Variants in FGF10 observed in about 807,000 individuals in gnomAD.
The protein encoded by FGF10 is FGF-10.
In FGF10, 2 loss-of-function variants were observed where a neutral mutation model predicts 19.8. The ratio of observed to expected loss-of-function variants is 0.10; its 90% CI spans 0.04 to 0.32. The LOEUF (loss-of-function observed/expected upper bound fraction) is 0.32, where lower values mean the gene tolerates loss of function less well. Among genes scored for constraint, FGF10 ranks in the 10% least tolerant of loss-of-function variants. FGF10 has a pLI of 1.00. For synonymous variants in FGF10, 112 were observed against 94.0 expected (o/e 1.19, Z -1.10); for missense variants, 191 against 246.3 (o/e 0.78, Z 1.50).
intron 1 of FGF10, among the ~76,000 whole-genome samples, chr5:44,361,683 C>T (rs339507): frequency 0.98 from 148,944 of 151,696 alleles, 73,191 homozygotes; most frequent in East Asian, 1. Context: ...TTTGGAAACA[C>T]TGGGCTTCTA....
intron 1 of FGF10, among the ~76,000 whole-genome samples, chr5:44,328,074 C>A (rs1180587842): frequency 3.3e-5 from 5 of 152,170 alleles, no homozygotes; most frequent in Non-Finnish European, 7.4e-5. Flanking sequence ...AAATTGTTTT[C>A]ATGTTTTGTT....
At chr5:44,375,639 G>A (rs145757271) in intron 1 of FGF10, among the ~76,000 whole-genome samples, 19 of 152,292 alleles carry the variant, frequency 1.2e-4, no homozygotes, top group Non-Finnish European at 1.9e-4. Context: ...ATGGAATGTA[G>A]TAGTATCTAA....
intron 1 of FGF10, among the ~76,000 whole-genome samples, chr5:44,349,375 T>C (rs1741164458): frequency 1.4e-5 from 2 of 139,014 alleles, no homozygotes; most frequent in African/African-American, 5.3e-5. Flanking sequence ...GTCTTAATAC[T>C]TTTAACAATG....
chr5:44,351,965 A>G (rs1345288693), intron 1 of FGF10, among the ~76,000 whole-genome samples: 1 of 151,640 alleles, frequency 6.6e-6, no homozygotes, highest in Non-Finnish European at 1.5e-5. Context: ...TACTACTACT[A>G]CTAATTTTAA....
intron 1 of FGF10, among the ~76,000 whole-genome samples, chr5:44,366,722 T>C (rs1176138647): frequency 1.3e-5 from 2 of 152,028 alleles, no homozygotes; most frequent in African/African-American, 2.4e-5. Flanking sequence ...CTAGGTTAGT[T>C]TGGTTGAAAT....
chr5:44,337,536 A>C (rs10044011), intron 1 of FGF10, among the ~76,000 whole-genome samples: 149,590 of 152,336 alleles, frequency 0.98, 73,517 homozygotes, highest in East Asian at 1. Context: ...TACTGAAAAC[A>C]TTTATTTCAG....
intron 1 of FGF10, among the ~76,000 whole-genome samples, chr5:44,353,330 A>T (rs1026884726): frequency 1.4e-4 from 21 of 151,418 alleles, no homozygotes; most frequent in Admixed American, 1.3e-3. Context: ...TTTTGTTGAG[A>T]ACTATATGGT....
At chr5:44,352,073 A>T (rs35095109) in intron 1 of FGF10, among the ~76,000 whole-genome samples, 4 of 151,728 alleles carry the variant, frequency 2.6e-5, no homozygotes, top group South Asian at 4.2e-4. Flanking sequence ...GTAGGGCCAA[A>T]AATTAATTAG....
intron 1 of FGF10, among the ~76,000 whole-genome samples, chr5:44,331,606 A>T (rs562814457): frequency 6.6e-6 from 1 of 152,242 alleles, no homozygotes; most frequent in South Asian, 2.1e-4. Context: ...TTGTATGTGC[A>T]ATTAGGGTTC....
chr5:44,374,301 A>G (rs928452818), intron 1 of FGF10, among the ~76,000 whole-genome samples: 1 of 152,122 alleles, frequency 6.6e-6, no homozygotes, highest in Non-Finnish European at 1.5e-5. Context: ...TTAAGGGCCT[A>G]CCTGGACAAT....
chr5:44,304,639 C>G lies in FGF10; in HGVS notation c.*356G>C, dbSNP rs1021944266. ...GTTCGTATTCCATAAATAACTTTCC[C>G]GAAGATCGTTCTTTCAACAGATTGT... On this transcript the variant is annotated 3_prime_UTR_variant, in exon 3 of 3. Transcript: ENST00000264664. 2 of 267,906 alleles carry G rather than the reference C, an allele frequency of 7.5e-6. No homozygotes were observed. The highest frequency in any genetic ancestry group is 9.2e-5 in the East Asian group (1 of 10,874). 16.6% of individuals were successfully genotyped at this position (267,906 alleles called of 1,614,324 possible).
intron 1 of FGF10, among the ~76,000 whole-genome samples, chr5:44,353,167 C>T (rs1444092707): frequency 6.6e-6 from 1 of 151,580 alleles, no homozygotes; most frequent in Non-Finnish European, 1.5e-5. Context: ...ACACTTTCTT[C>T]TTAGTTAATA....
chr5:44,373,126 C>G (rs919827412), intron 1 of FGF10, among the ~76,000 whole-genome samples: 1 of 152,124 alleles, frequency 6.6e-6, no homozygotes, highest in Admixed American at 6.5e-5. Context: ...TTCTCAAAAA[C>G]TCTGTGGTCC....
intron 1 of FGF10, among the ~76,000 whole-genome samples, chr5:44,377,339 C>G (rs1741889238): frequency 6.6e-6 from 1 of 152,118 alleles, no homozygotes; most frequent in South Asian, 2.1e-4. Flanking sequence ...ACTACAAATG[C>G]TTTAAGGGTA....
At position 44,321,742 on chromosome 5, in the gene FGF10, GAGAC is replaced by G. The variant is rs145704776; in HGVS notation, c.326-11216_326-11213del. Among the ~76,000 whole-genome samples the G allele has an allele frequency of 7.4e-3, 1,124 of 152,256 alleles. 15 individuals are homozygous for G. Among genetic ancestry groups the G allele is most frequent in the African/African-American group, 0.026 (1,064 of 41,554 alleles). ...ATGTCTGTTTGCACAGTTCTGTGAG[GAGAC>G]AGACAGAGAGCACACACATCTTCTC... On this transcript the variant is annotated intron_variant, in intron 1 of 2. Coordinates refer to ENST00000264664, the MANE Select transcript of FGF10 (RefSeq NM_004465.2).
intron 1 of FGF10, among the ~76,000 whole-genome samples, chr5:44,351,519 A>G (rs1302993106): frequency 6.6e-6 from 1 of 151,598 alleles, no homozygotes; most frequent in Non-Finnish European, 1.5e-5. Context: ...TATAAGTAAA[A>G]CTAAAGTTAA....
chr5:44,371,197 G>A (rs559315619), intron 1 of FGF10, among the ~76,000 whole-genome samples: 4 of 152,100 alleles, frequency 2.6e-5, no homozygotes, highest in Admixed American at 6.5e-5. Flanking sequence ...TAGAACTGGC[G>A]GCTTTATAAG....
intron 1 of FGF10, among the ~76,000 whole-genome samples, chr5:44,344,297 G>A (rs1741034773): frequency 6.6e-6 from 1 of 150,650 alleles, no homozygotes; most frequent in Non-Finnish European, 1.5e-5. Flanking sequence ...GCTTGAATGG[G>A]GATAAATTCA....
chr5:44,338,925 T>C (rs546150016), intron 1 of FGF10, among the ~76,000 whole-genome samples: 1 of 152,204 alleles, frequency 6.6e-6, no homozygotes, highest in Non-Finnish European at 1.5e-5. Context: ...TACTTAGTAA[T>C]GAATTTAAGG....
Sources: gnomAD v4.1 joint callset for allele counts (sites outside exome capture counted in the v4.1 genomes callset) on GRCh38, gnomAD v4.1.1 for gene constraint, MANE v1.5 for transcripts, NCBI Gene and HGNC (gene_info 2026-07-23, HGNC 2026-07-21) for gene names.